The following PLS1 variants were observed in gnomAD, a reference collection of about 807,000 sequenced individuals.
The protein encoded by PLS1 is plastin-1.
A neutral mutation model predicts 73.7 loss-of-function variants in PLS1; 32 were observed. That is an observed-to-expected ratio of 0.43 (90% CI 0.33 to 0.58). PLS1 has a LOEUF of 0.58. Among genes scored for constraint, PLS1 ranks in the 20% least tolerant of loss-of-function variants. The pLI is 0.04. For missense variants in PLS1, 633 were observed against 740.5 expected (o/e 0.85, Z 1.68); for synonymous variants, 217 against 261.3 (o/e 0.83, Z 1.63).
At chr3:142,663,496 A>G (rs1251537410) in intron 1 of PLS1, among the ~76,000 whole-genome samples, 1 of 152,016 alleles carries the variant, frequency 6.6e-6, no homozygotes, top group East Asian at 1.9e-4. Context: ...CTAGGAGTTC[A>G]AGACCAGCCT....
chr3:142,640,635 G>A (rs925976413), intron 1 of PLS1, among the ~76,000 whole-genome samples: 3 of 152,254 alleles, frequency 2.0e-5, no homozygotes, highest in African/African-American at 7.2e-5. Context: ...AAAAGGGCAT[G>A]TATAGAGGGT....
chr3:142,685,081 A>G (rs192827476), intron 8 of PLS1, among the ~76,000 whole-genome samples: 8 of 151,386 alleles, frequency 5.3e-5, no homozygotes, highest in African/African-American at 1.9e-4. Context: ...CTTTAGCTAT[A>G]TAACCTTCAG....
chr3:142,625,525 C>T (rs765071569), intron 1 of PLS1, among the ~76,000 whole-genome samples: 1 of 152,078 alleles, frequency 6.6e-6, no homozygotes, highest in African/African-American at 2.4e-5. Flanking sequence ...AATGTTGGAG[C>T]GGTGGTCCCC....
At chr3:142,708,057 T>C (rs1231259343) in intron 14 of PLS1, among the ~76,000 whole-genome samples, 1 of 152,092 alleles carries the variant, frequency 6.6e-6, no homozygotes, top group Non-Finnish European at 1.5e-5. Flanking sequence ...TTAGACTACA[T>C]AAGTTAACAA....
intron 1 of PLS1, among the ~76,000 whole-genome samples, chr3:142,646,188 A>G (rs1371485537): frequency 6.6e-6 from 1 of 152,166 alleles, no homozygotes; most frequent in African/African-American, 2.4e-5. Flanking sequence ...TAGTACTTAG[A>G]ACAGTGCTTG....
chr3:142,669,186 A>G (rs547945181), intron 2 of PLS1, among the ~76,000 whole-genome samples: 6 of 152,208 alleles, frequency 3.9e-5, no homozygotes, highest in African/African-American at 1.2e-4. Flanking sequence ...AGCTGGAACT[A>G]CCAAGCCTGG....
At chr3:142,667,284 A>G (rs577221817) in intron 2 of PLS1, among the ~76,000 whole-genome samples, 2 of 152,242 alleles carry the variant, frequency 1.3e-5, no homozygotes, top group South Asian at 2.1e-4. Context: ...GCGTGGTGGC[A>G]TGTACCTGTA....
chr3:142,602,688 T>C (rs1026959753), intron 1 of PLS1, among the ~76,000 whole-genome samples: 2 of 152,054 alleles, frequency 1.3e-5, no homozygotes, highest in Admixed American at 6.6e-5. Flanking sequence ...ATAGAGAACT[T>C]ACTCTCCTGG....
chr3:142,701,298 A>T (rs2038327139), intron 12 of PLS1, among the ~76,000 whole-genome samples: 1 of 152,190 alleles, frequency 6.6e-6, no homozygotes, highest in African/African-American at 2.4e-5. Flanking sequence ...TTGCAGGTTG[A>T]GTATCCCTTA....
intron 6 of PLS1, among the ~76,000 whole-genome samples, chr3:142,679,538 C>T (rs894324569): frequency 3.3e-5 from 5 of 152,164 alleles, no homozygotes; most frequent in Non-Finnish European, 5.9e-5. Context: ...GGAATCCTTT[C>T]CCCATTGCTT....
chr3:142,634,736 G>A (rs748705113), intron 1 of PLS1, among the ~76,000 whole-genome samples: 5 of 152,092 alleles, frequency 3.3e-5, no homozygotes, highest in African/African-American at 1.2e-4. Context: ...AATGTTAAAC[G>A]AAGTCCTCAA....
At chr3:142,658,624 G>A (rs921678433) in intron 1 of PLS1, among the ~76,000 whole-genome samples, 8 of 152,142 alleles carry the variant, frequency 5.3e-5, no homozygotes, top group African/African-American at 1.9e-4. Context: ...GGGATCATAA[G>A]CAACATATAT....
intron 12 of PLS1, among the ~76,000 whole-genome samples, chr3:142,700,803 G>A (rs1332915024): frequency 2.0e-5 from 3 of 152,192 alleles, no homozygotes; most frequent in Non-Finnish European, 4.4e-5. Flanking sequence ...ATATTCCCAT[G>A]TGTTGTGGGA....
In PLS1 at chr3:142,669,493, A is replaced by G. The variant is rs1382220185; in HGVS notation, c.174A>G (p.Lys58=). 2 of 1,613,782 alleles carry G rather than the reference A, an allele frequency of 1.2e-6. No homozygotes were observed. The highest frequency in any genetic ancestry group is 2.2e-5 in the East Asian group (1 of 44,866). The part of the protein sequence containing the change: ...PGYKVREIVE[K]ILSVADSNKD... The stretch of plus-strand genomic sequence containing the variant: ...ACAAGGTGCGCGAGATTGTGGAGAA[A>G]ATTCTATCAGTTGCTGACAGCAACA... Residue 58 remains lysine, a synonymous_variant, in exon 3 of 16, where the codon AAA becomes AAG. Transcript: ENST00000457734.
chr3:142,657,252 C>A (rs571279162), intron 1 of PLS1: 2 of 152,274 alleles, frequency 1.3e-5, no homozygotes, highest in African/African-American at 4.8e-5. Context: ...CTAGAGATTT[C>A]CCTTCCTCCC....
At chr3:142,630,938 A>AACACAC (rs140962182) in intron 1 of PLS1, among the ~76,000 whole-genome samples, 3,294 of 137,350 alleles carry the variant, frequency 0.024, 62 homozygotes, top group Non-Finnish European at 0.027. Context: ...CATGTAAATA[A>AACACAC]ACACACACAC....
At chr3:142,607,521 G>A (rs767732108) in intron 1 of PLS1, among the ~76,000 whole-genome samples, 14 of 152,268 alleles carry the variant, frequency 9.2e-5, no homozygotes, top group East Asian at 1.9e-4. Context: ...TGATCCACCC[G>A]CCTCGGCCTC....
chr3:142,684,842 T>C (rs1460783124), intron 8 of PLS1, among the ~76,000 whole-genome samples: 1 of 152,210 alleles, frequency 6.6e-6, no homozygotes, highest in Non-Finnish European at 1.5e-5. Context: ...GATCTTAAGG[T>C]ATGTGCCTTA....
chr3:142,613,040 A>G (rs538326869), intron 1 of PLS1, among the ~76,000 whole-genome samples: 45 of 151,950 alleles, frequency 3.0e-4, no homozygotes, highest in African/African-American at 1.0e-3. Context: ...TGCTGGGATT[A>G]CAGGCGTGAG....
Sources: gnomAD v4.1 joint callset for allele counts (sites outside exome capture counted in the v4.1 genomes callset) on GRCh38, gnomAD v4.1.1 for gene constraint, MANE v1.5 for transcripts, NCBI Gene and HGNC (gene_info 2026-07-23, HGNC 2026-07-21) for gene names.